LRP1B: variants seen among roughly 807,000 people sequenced by gnomAD.
LRP1B encodes LDL receptor related protein 1B, also known as low-density lipoprotein receptor-related protein 1B.
LRP1B carries 217 observed loss-of-function variants against 556.6 expected under a neutral mutation model. That is an observed-to-expected ratio of 0.39 (90% CI 0.35 to 0.44). LRP1B has a LOEUF of 0.44. LRP1B is among the 20% of genes least tolerant of loss of function. The pLI is 1.00. For synonymous variants in LRP1B, 2,047 were observed against 1,865.8 expected (o/e 1.10, Z -2.50); for missense variants, 5,053 against 5,620.8 (o/e 0.90, Z 3.23).
At chr2:140,968,492 G>T (rs1696304645) in intron 18 of LRP1B, among the ~76,000 whole-genome samples, 1 of 77,130 alleles carries the variant, frequency 1.3e-5, no homozygotes, top group East Asian at 3.9e-4. Context: ...TGGATTGATT[G>T]ATTTTTTGCA....
At chr2:141,411,338 A>G (rs1690843407) in intron 3 of LRP1B, among the ~76,000 whole-genome samples, 1 of 152,130 alleles carries the variant, frequency 6.6e-6, no homozygotes, top group South Asian at 2.1e-4. Flanking sequence ...TGTCAGGTGT[A>G]AATACCTCCA....
chr2:140,716,961 T>C, intron 35 of LRP1B, 145 bp from the exon 36 acceptor site: 3 of 405,866 alleles, frequency 7.4e-6, no homozygotes, highest in East Asian at 7.1e-5. Context: ...GATAATTTAC[T>C]AATATAAATA....
chr2:140,491,245 A>G (rs1314256698), intron 57 of LRP1B, among the ~76,000 whole-genome samples: 1 of 152,144 alleles, frequency 6.6e-6, no homozygotes, highest in Non-Finnish European at 1.5e-5. Flanking sequence ...ATTGTTCTAT[A>G]TTAGTTAAAC....
intron 2 of LRP1B, among the ~76,000 whole-genome samples, chr2:141,680,647 G>A (rs961029394): frequency 2.0e-5 from 3 of 152,086 alleles, no homozygotes; most frequent in Non-Finnish European, 4.4e-5. Context: ...AAAATAGAGG[G>A]AACAGAAGGG....
At chr2:140,675,243 C>T (rs1048591448) in intron 41 of LRP1B, among the ~76,000 whole-genome samples, 3 of 152,174 alleles carry the variant, frequency 2.0e-5, no homozygotes, top group Non-Finnish European at 2.9e-5. Flanking sequence ...ACACTGTTTA[C>T]GTTAGTGTTT....
Position 140,963,259 on chromosome 2 carries a change from G to GA in LRP1B, c.2888-11320dup, listed in dbSNP as rs71408479. ...GCTGTTTTCTGAAATAATTTCAATT[G>GA]AAAAAAAAAACATATATTCCCACTT... On this transcript the variant is annotated intron_variant, in intron 18 of 90. Coordinates refer to ENST00000389484, the MANE Select transcript of LRP1B (RefSeq NM_018557.3). Among the ~76,000 whole-genome samples the GA allele has an allele frequency of 3.7e-3, 547 of 148,942 alleles. 1 individual carries two copies. The highest frequency in any genetic ancestry group is 9.5e-3 in the African/African-American group (383 of 40,260).
chr2:140,834,376 A>G (rs2105082456), intron 31 of LRP1B, among the ~76,000 whole-genome samples: 1 of 152,246 alleles, frequency 6.6e-6, no homozygotes, highest in Admixed American at 6.5e-5. Flanking sequence ...AGTAGCTGGG[A>G]CTACAGGCGC....
chr2:141,018,879 A>G (rs1697986299), intron 12 of LRP1B, among the ~76,000 whole-genome samples: 1 of 152,042 alleles, frequency 6.6e-6, no homozygotes, highest in Admixed American at 6.6e-5. Context: ...ATTTGGAGCT[A>G]CTCTTAACAC....
rs200358663 is a variant in LRP1B at position 141,736,910 on chromosome 2, G to T, written c.205+73369C>A. On this transcript the variant is annotated intron_variant, in intron 2 of 90. Transcript: ENST00000389484. ...TCTTTCTAATGAAGACTTATGAGAC[G>T]CAGAATAGTAAGTGCAGCTTAGAAA... 7.9e-5 allele frequency among the ~76,000 whole-genome samples: 12 copies of T among 152,274 alleles called. No individual in the cohort carries two copies. In the East Asian group the frequency reaches 2.1e-3, roughly 27 times the overall value.
At chr2:140,818,409 A>G (rs958146757) in intron 31 of LRP1B, among the ~76,000 whole-genome samples, 1 of 152,214 alleles carries the variant, frequency 6.6e-6, no homozygotes, top group Non-Finnish European at 1.5e-5. Flanking sequence ...GTTACATCAC[A>G]TGCTATATCT....
At chr2:140,592,273 A>G (rs1304962218) in intron 43 of LRP1B, among the ~76,000 whole-genome samples, 2 of 152,208 alleles carry the variant, frequency 1.3e-5, no homozygotes, top group Admixed American at 6.5e-5. Flanking sequence ...GTTAAGAACC[A>G]TAATTGGCAT....
At chr2:141,142,590 T>G (rs928203114) in intron 7 of LRP1B, among the ~76,000 whole-genome samples, 2 of 152,114 alleles carry the variant, frequency 1.3e-5, no homozygotes, top group African/African-American at 4.8e-5. Flanking sequence ...GAAAAAATAG[T>G]TTTTTTATAT....
chr2:141,523,031 ATCT>A (rs1684579512), intron 2 of LRP1B, among the ~76,000 whole-genome samples: 1 of 152,168 alleles, frequency 6.6e-6, no homozygotes, highest in South Asian at 2.1e-4. Context: ...GGACTCTGAC[ATCT>A]TCTCTGACCA....
intron 20 of LRP1B, among the ~76,000 whole-genome samples, chr2:140,931,180 T>C (rs1695037565): frequency 6.6e-6 from 1 of 152,118 alleles, no homozygotes; most frequent in Non-Finnish European, 1.5e-5. Context: ...GAACTAACAA[T>C]GCAGTCAAGC....
chr2:140,291,318 A>T (rs868829246), intron 84 of LRP1B, among the ~76,000 whole-genome samples: 2,353 of 109,300 alleles, frequency 0.022, 106 homozygotes, highest in African/African-American at 0.065. Flanking sequence ...ATATATATAT[A>T]TTTTTATTAT....
intron 2 of LRP1B, among the ~76,000 whole-genome samples, chr2:141,770,256 T>A (rs780681343): frequency 1.3e-5 from 2 of 152,212 alleles, no homozygotes; most frequent in Non-Finnish European, 2.9e-5. Context: ...TATTTATGGA[T>A]CTTCTTAATC....
At chr2:141,069,746 A>G (rs1231924633) in intron 7 of LRP1B, among the ~76,000 whole-genome samples, 1 of 152,072 alleles carries the variant, frequency 6.6e-6, no homozygotes, top group Non-Finnish European at 1.5e-5. Flanking sequence ...TTGAAACTCT[A>G]TAAACCCACC....
At chr2:140,583,171 C>CTTTTTT (rs1219194754) in intron 43 of LRP1B, among the ~76,000 whole-genome samples, 29 of 48,020 alleles carry the variant, frequency 6.0e-4, no homozygotes, top group Non-Finnish European at 1.2e-3. Context: ...CCTTTTTTTT[C>CTTTTTT]TTTTTTTTTT....
At chr2:140,739,800 A>G (rs1431019694) in intron 35 of LRP1B, among the ~76,000 whole-genome samples, 1 of 152,198 alleles carries the variant, frequency 6.6e-6, no homozygotes. Flanking sequence ...TGATATCCAG[A>G]AACTTCAATG....
Sources: gnomAD v4.1 joint callset for allele counts (sites outside exome capture counted in the v4.1 genomes callset) on GRCh38, gnomAD v4.1.1 for gene constraint, MANE v1.5 for transcripts, NCBI Gene and HGNC (gene_info 2026-07-23, HGNC 2026-07-21) for gene names.